The following GRM8 variants were observed in gnomAD, a reference collection of about 807,000 sequenced individuals.
The protein encoded by GRM8 is metabotropic glutamate receptor 8.
In GRM8, 47 loss-of-function variants were observed where a neutral mutation model predicts 87.2. The ratio of observed to expected loss-of-function variants is 0.54; its 90% confidence interval spans 0.43 to 0.69. The LOEUF (loss-of-function observed/expected upper bound fraction) is 0.69. Among genes scored for constraint, GRM8 ranks in the 30% least tolerant of loss-of-function variants. The pLI, the probability that GRM8 is intolerant of heterozygous loss-of-function variation, is 0.00. For missense variants in GRM8, 1,019 were observed against 1,139.2 expected (o/e 0.89, Z 1.52); for synonymous variants, 396 against 404.5 (o/e 0.98, Z 0.25).
At chr7:127,130,562 A>T (rs1827632799) in intron 2 of GRM8, among the ~76,000 whole-genome samples, 1 of 152,168 alleles carries the variant, frequency 6.6e-6, no homozygotes, top group African/African-American at 2.4e-5. Flanking sequence ...CCCTAGAGAT[A>T]TGTGGAACTT....
At chr7:126,755,119 T>C (rs1362894933) in intron 7 of GRM8, among the ~76,000 whole-genome samples, 2 of 151,918 alleles carry the variant, frequency 1.3e-5, no homozygotes, top group African/African-American at 4.8e-5. Context: ...GTATTATGCA[T>C]ACATTGCAAT....
chr7:126,588,195 A>C (rs1796343537), intron 8 of GRM8, among the ~76,000 whole-genome samples: 1 of 152,232 alleles, frequency 6.6e-6, no homozygotes, highest in Admixed American at 6.5e-5. Flanking sequence ...CAAGTCTAGA[A>C]GAGTATTAGA....
intron 9 of GRM8, among the ~76,000 whole-genome samples, chr7:126,478,413 A>G (rs1806260919): frequency 6.6e-6 from 1 of 152,114 alleles, no homozygotes; most frequent in Non-Finnish European, 1.5e-5. Context: ...GCGTGAGATA[A>G]GGAAATCAAC....
intron 2 of GRM8, among the ~76,000 whole-genome samples, chr7:127,190,520 G>A (rs753474315): frequency 2.6e-5 from 4 of 152,018 alleles, no homozygotes; most frequent in Non-Finnish European, 4.4e-5. Flanking sequence ...CTCCAGCCTG[G>A]GCGACAGAGC....
Position 126,689,271 on chromosome 7 carries a change from T to C in GRM8, c.1358-79773A>G, listed in dbSNP as rs544675348. Among the ~76,000 whole-genome samples the C allele has an allele frequency of 2.0e-4, 31 of 152,316 alleles. No individual in the cohort carries two copies. In the South Asian group the frequency reaches 6.0e-3, roughly 30 times the overall value. The stretch of plus-strand genomic sequence containing the variant: ...AGCCTGTTCCTTAACCAAATGATTC[T>C]GTGGAATTTGTCTTGAGCCCTGTGC... On this transcript the variant is annotated intron_variant, in intron 7 of 10. Coordinates refer to ENST00000339582, the MANE Select transcript of GRM8 (RefSeq NM_000845.3).
intron 6 of GRM8, among the ~76,000 whole-genome samples, chr7:126,789,058 C>T (rs1457722629): frequency 6.6e-6 from 1 of 152,034 alleles, no homozygotes; most frequent in Admixed American, 6.6e-5. Flanking sequence ...TGACTATAGA[C>T]AGGAAAGCAA....
intron 7 of GRM8, among the ~76,000 whole-genome samples, chr7:126,675,259 C>T (rs1315923889): frequency 2.0e-5 from 3 of 151,958 alleles, no homozygotes; most frequent in Non-Finnish European, 4.4e-5. Context: ...AAAAAATCTC[C>T]CTACAAAACA....
chr7:127,025,312 C>A (rs779091720), intron 3 of GRM8, among the ~76,000 whole-genome samples: 1 of 152,194 alleles, frequency 6.6e-6, no homozygotes, highest in East Asian at 1.9e-4. Context: ...TCTTACTCTT[C>A]TTTCCTCAGA....
intron 3 of GRM8, among the ~76,000 whole-genome samples, chr7:126,953,404 C>T (rs1808356885): frequency 6.6e-6 from 1 of 152,072 alleles, no homozygotes; most frequent in Non-Finnish European, 1.5e-5. Flanking sequence ...AAGACCGTGG[C>T]CTTAAAAAGC....
intron 9 of GRM8, among the ~76,000 whole-genome samples, chr7:126,450,236 T>C (rs1057489260): frequency 6.6e-6 from 1 of 151,804 alleles, no homozygotes; most frequent in African/African-American, 2.4e-5. Flanking sequence ...CAGCTGCCAG[T>C]GCACAGACCA....
chr7:126,891,156 G>A (rs1308759072), intron 6 of GRM8, among the ~76,000 whole-genome samples: 3 of 151,926 alleles, frequency 2.0e-5, no homozygotes, highest in Non-Finnish European at 4.4e-5. Context: ...AAGAATCAAG[G>A]CATCATCCAT....
intron 3 of GRM8, among the ~76,000 whole-genome samples, chr7:126,969,794 T>C (rs949359804): frequency 6.6e-6 from 1 of 152,286 alleles, no homozygotes; most frequent in African/African-American, 2.4e-5. Flanking sequence ...CATACAGGTA[T>C]CGCTATCTAG....
At chr7:127,216,518 AAAAAAAAAAAAAAAAAC>A (rs1322384817) in intron 2 of GRM8, among the ~76,000 whole-genome samples, 2 of 73,624 alleles carry the variant, frequency 2.7e-5, no homozygotes, top group African/African-American at 1.5e-4. Flanking sequence ...ACTCCGTCTC[AAAAAAAAAAAAAAAAAC>A]AAAAAAAAAA....
At chr7:126,945,345 T>A (rs911243788) in intron 3 of GRM8, among the ~76,000 whole-genome samples, 70 of 152,352 alleles carry the variant, frequency 4.6e-4, no homozygotes, top group African/African-American at 1.6e-3. Context: ...TAGAAGTTTT[T>A]ATTTGTGTTT....
chr7:126,714,248 C>T (rs1811459836), intron 7 of GRM8, among the ~76,000 whole-genome samples: 1 of 148,992 alleles, frequency 6.7e-6, no homozygotes, highest in Non-Finnish European at 1.5e-5. Context: ...ACTCTACTCC[C>T]GTCTGGGTGA....
chr7:126,935,632 A>G (rs989663784), intron 3 of GRM8, among the ~76,000 whole-genome samples: 6 of 152,248 alleles, frequency 3.9e-5, no homozygotes, highest in African/African-American at 1.4e-4. Context: ...TGAGGGATGC[A>G]AAGGCACAGG....
chr7:126,896,691 G>C (rs1801573767), intron 6 of GRM8, among the ~76,000 whole-genome samples: 1 of 152,162 alleles, frequency 6.6e-6, no homozygotes, highest in African/African-American at 2.4e-5. Flanking sequence ...TGACAGGATT[G>C]CTTGTTTGTG....
chr7:127,068,656 C>G (rs1484859386), intron 3 of GRM8, among the ~76,000 whole-genome samples: 2 of 152,176 alleles, frequency 1.3e-5, no homozygotes, highest in Non-Finnish European at 2.9e-5. Context: ...GCAAGAGCAA[C>G]AGGAGTATTC....
At chr7:126,577,020 AAGCTTATCGT>A (rs1337918973) in intron 8 of GRM8, among the ~76,000 whole-genome samples, 2 of 152,184 alleles carry the variant, frequency 1.3e-5, no homozygotes, top group Admixed American at 6.5e-5. Context: ...AATGGCTCCA[AAGCTTATCGT>A]AGCTGTCCTG....
Sources: gnomAD v4.1 joint callset for allele counts (sites outside exome capture counted in the v4.1 genomes callset) on GRCh38, gnomAD v4.1.1 for gene constraint, MANE v1.5 for transcripts, NCBI Gene and HGNC (gene_info 2026-07-23, HGNC 2026-07-21) for gene names.